The following PRELID2 variants were observed in gnomAD, a reference collection of about 807,000 sequenced individuals.
PRELID2 encodes the protein PRELI domain-containing protein 2.
Under a neutral mutation model 28.4 loss-of-function variants are expected in PRELID2, and 25 were observed. The observed-to-expected ratio is 0.88, with a 90% confidence interval of 0.64 to 1.23. The LOEUF (loss-of-function observed/expected upper bound fraction) is 1.23, where lower values mean the gene tolerates loss of function less well. PRELID2 is among the 50% of genes most tolerant of loss of function. The pLI is 0.00. For missense variants in PRELID2, 201 were observed against 214.4 expected, an observed-to-expected ratio of 0.94 and a Z score of 0.39; for synonymous variants, 76 against 71.6, an observed-to-expected ratio of 1.06 and a Z score of -0.31.
At chr5:145,366,568 C>T in the PRELID2 span, among the ~76,000 whole-genome samples, 1 of 151,836 alleles carries the variant, frequency 6.6e-6, no homozygotes, top group African/African-American at 2.4e-5. Context: ...TAAATTACAT[C>T]GGGTTGAAGT....
chr5:145,758,002 G>A lies in PRELID2; in HGVS notation c.*2534C>T, dbSNP rs1369371282. Among the ~76,000 whole-genome samples, 2 of 152,060 alleles carry A rather than the reference G, an allele frequency of 1.3e-5. No individual in the cohort carries two copies. Among genetic ancestry groups the A allele is most frequent in the Admixed American group, 6.6e-5 (1 of 15,252 alleles). On this transcript the variant is annotated 3_prime_UTR_variant, in exon 7 of 7. Coordinates refer to ENST00000683046, the MANE Select transcript of PRELID2 (RefSeq NM_205846.3). ...AGGCAGAATAAAACTTACATCCAGA[G>A]TACAAAAATGCAAATCCATTAAAGC...
chr5:145,694,866 G>A, intron 1 of PRELID2, among the ~76,000 whole-genome samples: 1 of 151,160 alleles, frequency 6.6e-6, no homozygotes, highest in African/African-American at 2.4e-5. Context: ...AGAAGAGCCA[G>A]CTACAATGTT....
chr5:145,593,143 T>C (rs774669806), intron 1 of PRELID2, among the ~76,000 whole-genome samples: 16 of 152,144 alleles, frequency 1.1e-4, no homozygotes, highest in African/African-American at 3.6e-4. Context: ...ATTGGAAGTA[T>C]CAGTAAAATT....
At chr5:145,744,153 C>T (rs530649089) in intron 1 of PRELID2, among the ~76,000 whole-genome samples, 32 of 152,336 alleles carry the variant, frequency 2.1e-4, no homozygotes, top group African/African-American at 7.7e-4. Context: ...CATCCAGAGG[C>T]TCAGGGACAG....
the PRELID2 span, among the ~76,000 whole-genome samples, chr5:145,311,385 C>T: frequency 6.6e-6 from 1 of 152,110 alleles, no homozygotes; most frequent in African/African-American, 2.4e-5. Context: ...TCTGCTGTCA[C>T]CATCTTGAAG....
chr5:145,683,657 C>A (rs1754981449), intron 1 of PRELID2, among the ~76,000 whole-genome samples: 1 of 152,124 alleles, frequency 6.6e-6, no homozygotes, highest in Non-Finnish European at 1.5e-5. Context: ...CACCCTAATG[C>A]CCTTATTTTG....
intron 1 of PRELID2, among the ~76,000 whole-genome samples, chr5:145,497,057 T>C (rs923774757): frequency 1.3e-5 from 2 of 151,634 alleles, no homozygotes; most frequent in African/African-American, 4.8e-5. Context: ...ACATACAGGG[T>C]CTCGCTACAT....
chr5:145,671,404 G>T (rs1201051901), intron 1 of PRELID2, among the ~76,000 whole-genome samples: 1 of 152,062 alleles, frequency 6.6e-6, no homozygotes, highest in Non-Finnish European at 1.5e-5. Flanking sequence ...TAGATTCTCT[G>T]AATTAAAAAA....
intron 1 of PRELID2, among the ~76,000 whole-genome samples, chr5:145,643,392 T>C (rs547372486): frequency 6.6e-6 from 1 of 152,246 alleles, no homozygotes; most frequent in East Asian, 1.9e-4. Context: ...AATTTGCTTA[T>C]CAGCTTAAGG....
At chr5:145,778,588 T>C (rs959124806) in intron 5 of PRELID2, among the ~76,000 whole-genome samples, 28 of 152,328 alleles carry the variant, frequency 1.8e-4, no homozygotes, top group African/African-American at 6.0e-4. Context: ...CTGCTTGTAG[T>C]GCGCCTGGCC....
intron 1 of PRELID2, among the ~76,000 whole-genome samples, chr5:145,591,539 A>T (rs1753226431): frequency 6.6e-6 from 1 of 152,162 alleles, no homozygotes; most frequent in Non-Finnish European, 1.5e-5. Context: ...GTTAGGATGA[A>T]GTTTGTATGT....
intron 1 of PRELID2, among the ~76,000 whole-genome samples, chr5:145,601,120 T>C (rs1169612999): frequency 1.3e-5 from 2 of 152,294 alleles, no homozygotes; most frequent in South Asian, 4.1e-4. Flanking sequence ...TGTGTCACTA[T>C]ACTCCGGCTG....
At chr5:145,653,067 A>C (rs946666135) in intron 1 of PRELID2, among the ~76,000 whole-genome samples, 19 of 152,236 alleles carry the variant, frequency 1.2e-4, no homozygotes, top group Non-Finnish European at 2.1e-4. Flanking sequence ...TCTACCAAGC[A>C]AATGGAAAAC....
chr5:145,717,509 G>A (rs931708881), intron 1 of PRELID2, among the ~76,000 whole-genome samples: 1 of 152,024 alleles, frequency 6.6e-6, no homozygotes, highest in African/African-American at 2.4e-5. Context: ...AGTAAAGAAA[G>A]AGGATAAAAC....
the PRELID2 span, chr5:145,381,634 T>G: frequency 6.6e-6 from 1 of 152,470 alleles, no homozygotes; most frequent in Non-Finnish European, 1.5e-5. Flanking sequence ...AGCCTTGGTA[T>G]TTGAAACGTC....
At chr5:145,307,849 C>A in the PRELID2 span, among the ~76,000 whole-genome samples, 466 of 152,256 alleles carry the variant, frequency 3.1e-3, 1 homozygote, top group African/African-American at 0.011. Flanking sequence ...TCCAAAACTA[C>A]AAGGAAGAAC....
At chr5:145,339,232 G>T in the PRELID2 span, among the ~76,000 whole-genome samples, 1 of 152,154 alleles carries the variant, frequency 6.6e-6, no homozygotes, top group Non-Finnish European at 1.5e-5. Flanking sequence ...AATTTTCTAA[G>T]AGAAAACAGT....
At chr5:145,551,935 C>A (rs767071666) in intron 1 of PRELID2, among the ~76,000 whole-genome samples, 37 of 152,112 alleles carry the variant, frequency 2.4e-4, no homozygotes, top group Non-Finnish European at 5.0e-4. Context: ...AATACATACC[C>A]CAACCTCATT....
intron 1 of PRELID2, among the ~76,000 whole-genome samples, chr5:145,612,065 T>C (rs1354895954): frequency 6.6e-6 from 1 of 152,170 alleles, no homozygotes; most frequent in Non-Finnish European, 1.5e-5. Context: ...CAACTGATAT[T>C]AGGACAATTG....
Sources: allele counts gnomAD v4.1 joint callset (sites outside exome capture counted in the v4.1 genomes callset), GRCh38; gene constraint gnomAD v4.1.1; transcripts MANE v1.5; gene names NCBI Gene and HGNC (gene_info 2026-07-23, HGNC 2026-07-21).